The following SMG1 variants were observed in gnomAD, a reference collection of about 807,000 sequenced individuals.
The protein encoded by SMG1 is SMG1 nonsense mediated mRNA decay associated PI3K related kinase.
In SMG1, 22 loss-of-function variants were observed where a neutral mutation model predicts 419.9. The observed-to-expected ratio is 0.05, with a 90% CI of 0.04 to 0.07. The LOEUF is 0.07. Ranked by LOEUF, SMG1 falls within the 10% of genes least tolerant of loss-of-function variation. The pLI is 1.00. For synonymous variants in SMG1, 1,538 were observed against 1,553.5 expected (o/e 0.99, Z 0.23); for missense variants, 3,185 against 4,342.0 (o/e 0.73, Z 7.49).
At chr16:18,879,082 A>C (rs1012570558) in intron 11 of SMG1, 1 of 270,768 alleles carries the variant, frequency 3.7e-6, no homozygotes, top group Non-Finnish European at 7.2e-6. Flanking sequence ...TGATGAATGT[A>C]CTCTAAGAAA....
chr16:18,890,495 C>A (rs930238953), intron 5 of SMG1, among the ~76,000 whole-genome samples: 3 of 152,070 alleles, frequency 2.0e-5, no homozygotes, highest in Non-Finnish European at 2.9e-5. Flanking sequence ...ACTAAAAATA[C>A]AAAAATTAGC....
chr16:18,849,518 A>AT, intron 35 of SMG1, 140 bp from the exon 36 acceptor site: 4 of 819,320 alleles, frequency 4.9e-6, no homozygotes, highest in Non-Finnish European at 7.5e-6. Context: ...TCTCCCTGTG[A>AT]TAATAAAGAA....
At position 18,886,183 on chromosome 16, in the gene SMG1, C is replaced by G. The variant is rs535708546; in HGVS notation, c.823-517G>C. On this transcript the variant is annotated intron_variant, in intron 6 of 62. Transcript: ENST00000446231. ...AAAAAAGTAAAATGGATTTGGGAAA[C>G]TTTTCTATAAAGTACAACAATTACT... Among the ~76,000 whole-genome samples the G allele has an allele frequency of 4.0e-5, 6 of 151,848 alleles. No individual in the cohort carries two copies. The South Asian group carries it at 1.2e-3, about 31-fold the overall frequency.
At chr16:18,831,431 T>G (rs552624038) in intron 51 of SMG1, among the ~76,000 whole-genome samples, 1 of 152,158 alleles carries the variant, frequency 6.6e-6, no homozygotes, top group East Asian at 1.9e-4. Context: ...TTCCTCTGTA[T>G]GAGGATAAGG....
chr16:18,807,087 G>A lies in SMG1; in HGVS notation c.*2482C>T, dbSNP rs2030904655. 1 of 152,198 alleles carries A rather than the reference G, an allele frequency of 6.6e-6. No homozygotes were observed. Among genetic ancestry groups the A allele is most frequent in the Non-Finnish European group, 1.5e-5 (1 of 68,040 alleles). The allele number at this position is 152,198 out of a possible 1,614,324, so 9.4% of individuals were successfully genotyped here. A position where few individuals can be genotyped will look rare whatever the true frequency, so the allele number is the denominator to read the frequency against. On this transcript the variant is annotated 3_prime_UTR_variant, in exon 63 of 63. Coordinates refer to ENST00000446231, the MANE Select transcript of SMG1 (RefSeq NM_015092.5). ...CAAAAGTGATGGATAATTTACCAGA[G>A]GCACATGCTTTTGAAGTAAAGCTGT...
At position 18,896,876 on chromosome 16, in the gene SMG1, A is replaced by G. The variant is rs2037151761; in HGVS notation, c.173T>C (p.Leu58Pro). ...RDRGGSSSYG[L>P]QPSNSAVVSR... ...CACCACAGCTGAATTTGAAGGTTGC[A>G]GTCCATAAGAGGAAGAACCACCTCT... The change falls in exon 2 of 63, where the codon CTG becomes CCG. Residue 58 changes from leucine (L) to proline (P), a missense_variant. Physicochemically the swap from Leu to Pro is moderately conservative, Grantham distance 98. Transcript: ENST00000446231. The G allele has an allele frequency of 6.2e-7, 1 of 1,608,540 alleles. No homozygotes were observed. Among genetic ancestry groups the G allele is most frequent in the African/African-American group, 1.3e-5 (1 of 74,806 alleles).
At chr16:18,886,490 G>C (rs943661657) in intron 6 of SMG1, among the ~76,000 whole-genome samples, 1 of 152,114 alleles carries the variant, frequency 6.6e-6, no homozygotes, top group Non-Finnish European at 1.5e-5. Flanking sequence ...TCTTATAAAA[G>C]AAATGCTAGA....
chr16:18,831,547 A>G (rs1412231461), intron 51 of SMG1, among the ~76,000 whole-genome samples: 1 of 152,126 alleles, frequency 6.6e-6, no homozygotes. Flanking sequence ...GCTAAAAATT[A>G]TATGATAAAG....
At chr16:18,830,494 A>G (rs2033096144) in intron 51 of SMG1, 125 bp from the exon 52 acceptor site, 1 of 1,148,932 alleles carries the variant, frequency 8.7e-7, no homozygotes, top group Admixed American at 2.5e-5. Context: ...GGCATTAAGA[A>G]GAAGTGTTAT....
In SMG1 at chr16:18,828,262, G is replaced by C. The variant is rs947101854; in HGVS notation, c.9604-94C>G. 3.1e-6 allele frequency: 4 copies of C among 1,282,760 alleles called. No homozygotes were observed. In the African/African-American group the frequency reaches 5.9e-5, roughly 19 times the overall value. 79.5% of individuals were successfully genotyped at this position (1,282,760 alleles called of 1,614,324 possible). A position where few individuals can be genotyped will look rare whatever the true frequency, so the allele number is the denominator to read the frequency against. On this transcript the variant is annotated intron_variant, in intron 54 of 62. Coordinates refer to ENST00000446231, the MANE Select transcript of SMG1 (RefSeq NM_015092.5). Reference sequence around the variant, plus strand: ...GGCGCAACCTAGGACTGGCGGAAGAGAAAAAAATCCCAGCTGCAGCCAATG... The same window carrying C: ...GGCGCAACCTAGGACTGGCGGAAGACAAAAAAATCCCAGCTGCAGCCAATG...
At chr16:18,924,932 T>TG (rs1354968097) in intron 1 of SMG1, 1 of 151,730 alleles carries the variant, frequency 6.6e-6, no homozygotes, top group Non-Finnish European at 1.5e-5. Flanking sequence ...CCCAACAACT[T>TG]GCGCGTTCTA....
In SMG1 at chr16:18,850,014, T is replaced by C; in HGVS notation, c.5396A>G (p.His1799Arg). The C allele has an allele frequency of 6.2e-7, 1 of 1,614,028 alleles. No individual in the cohort carries two copies. The highest frequency in any genetic ancestry group is 8.5e-7 in the Non-Finnish European group (1 of 1,179,900). ...CAGATACTGCCGAAGCTCACCAGCA[T>C]GCTTCACGAGCAACCGCAGCAGGCG... ...TLRLLRLLVK[H>R]AGELRQYLEH... Residue 1799 changes from histidine to arginine, a missense_variant, in exon 35 of 63, where the codon CAT (histidine) becomes CGT (arginine). By Grantham distance (29) the His-to-Arg change is conservative. Transcript: ENST00000446231.
Position 18,854,921 on chromosome 16 carries a change from G to A in SMG1, c.4235-17C>T, listed in dbSNP as rs978591158. 8.7e-6 allele frequency: 14 copies of A among 1,604,350 alleles called. No homozygotes were observed. The highest frequency in any genetic ancestry group is 2.2e-5 in the South Asian group (2 of 89,518). ...CTGTTTGTTCTGAAGAGAGGAAAAC[G>A]TTTTATTAGTTCCTAATTTGTCTAA... On this transcript the variant is annotated splice_polypyrimidine_tract_variant and intron_variant, in intron 29 of 62. Transcript: ENST00000446231.
At position 18,829,451 on chromosome 16, in the gene SMG1, G is replaced by T. The variant is rs771506714; in HGVS notation, c.9438C>A (p.Ile3146=). ...CCAGCTGAGAGAACTTCCCTATCTGGATGTTATGTTCCACCGCTTTCTTAC... is the reference window on the plus strand; with the variant it reads ...CCAGCTGAGAGAACTTCCCTATCTGTATGTTATGTTCCACCGCTTTCTTAC... The part of the protein sequence containing the change: ...DLCKKAVEHN[I]QIGKFSQLVM... Residue 3146 remains isoleucine (I), a synonymous_variant, in exon 54 of 63, where the codon ATC becomes ATA. Coordinates refer to ENST00000446231, the MANE Select transcript of SMG1 (RefSeq NM_015092.5). 33 of 1,613,852 alleles carry T rather than the reference G, an allele frequency of 2.0e-5. No homozygotes were observed. Among genetic ancestry groups the T allele is most frequent in the Non-Finnish European group, 2.8e-5 (33 of 1,179,898 alleles).
chr16:18,855,004 C>G (rs1357174664), intron 29 of SMG1, 100 bp from the exon 30 acceptor site: 1 of 916,108 alleles, frequency 1.1e-6, no homozygotes, highest in Non-Finnish European at 1.5e-6. Flanking sequence ...CTCTTCTGCA[C>G]CACCTCCTGA....
At chr16:18,859,734 T>C in intron 26 of SMG1, 31 bp from the exon 27 acceptor site, 2 of 1,549,514 alleles carry the variant, frequency 1.3e-6, no homozygotes, top group Non-Finnish European at 1.7e-6. Context: ...GTCATTAAGT[T>C]CATGTGCTTT....
chr16:18,833,467 T>C (rs2033346661), intron 50 of SMG1, among the ~76,000 whole-genome samples: 2 of 152,156 alleles, frequency 1.3e-5, no homozygotes, highest in Admixed American at 1.3e-4. Context: ...CTAAAGTATG[T>C]TATATAATGT....
At chr16:18,853,949 C>T in intron 30 of SMG1, 82 bp from the exon 31 acceptor site, 1 of 1,293,204 alleles carries the variant, frequency 7.7e-7, no homozygotes, top group Non-Finnish European at 1.1e-6. Flanking sequence ...AAACAAATAT[C>T]AACATGGTGA....
At chr16:18,840,115 A>G (rs1466247405) in intron 41 of SMG1, among the ~76,000 whole-genome samples, 169 bp from the exon 42 acceptor site, 1 of 152,196 alleles carries the variant, frequency 6.6e-6, no homozygotes, top group Non-Finnish European at 1.5e-5. Context: ...ATTCTGGACT[A>G]TGGATCTTTC....
Sources: gnomAD v4.1 joint callset for allele counts (sites outside exome capture counted in the v4.1 genomes callset) on GRCh38, gnomAD v4.1.1 for gene constraint, MANE v1.5 for transcripts, NCBI Gene and HGNC (gene_info 2026-07-23, HGNC 2026-07-21) for gene names.